Variants in ACSL3 observed in about 807,000 individuals in gnomAD.
ACSL3 encodes fatty acid CoA ligase Acsl3.
ACSL3 carries 34 observed loss-of-function variants against 84.7 expected under a neutral mutation model. The ratio of observed to expected loss-of-function variants is 0.40; its 90% CI spans 0.31 to 0.53. ACSL3 has a LOEUF of 0.53. ACSL3 is among the 20% of genes least tolerant of loss of function. ACSL3 has a pLI of 0.48. For synonymous variants in ACSL3, 315 were observed against 299.4 expected (o/e 1.05, Z -0.54); for missense variants, 680 against 873.1 (o/e 0.78, Z 2.79).
chr2:222,925,188 T>C (rs974727377), intron 11 of ACSL3, among the ~76,000 whole-genome samples: 1 of 151,734 alleles, frequency 6.6e-6, no homozygotes, highest in Non-Finnish European at 1.5e-5. Flanking sequence ...ATTACAAAAA[T>C]TAGCCAGAGT....
At chr2:222,889,748 A>T (rs968752074) in intron 2 of ACSL3, among the ~76,000 whole-genome samples, 1 of 152,188 alleles carries the variant, frequency 6.6e-6, no homozygotes, top group African/African-American at 2.4e-5. Context: ...TGTTTCTCAT[A>T]GCTACTTAAG....
intron 15 of ACSL3, 67 bp downstream of exon 15, chr2:222,933,347 T>A (rs1278813613): frequency 9.0e-7 from 1 of 1,108,998 alleles, no homozygotes; most frequent in East Asian, 2.5e-5. Flanking sequence ...TTCCTACCTG[T>A]ATGGACCTTC....
rs543758408 is a variant in ACSL3 at position 222,929,639 on chromosome 2, G to A, written c.1540+703G>A. Among the ~76,000 whole-genome samples the A allele has an allele frequency of 6.1e-4, 93 of 152,032 alleles. 1 individual carries two copies. Among genetic ancestry groups the A allele is most frequent in the Non-Finnish European group, 1.0e-3 (70 of 67,978 alleles). On this transcript the variant is annotated intron_variant, in intron 13 of 16. Coordinates refer to ENST00000357430, the MANE Select transcript of ACSL3 (RefSeq NM_004457.5). ...CTAAAAATACAAAAATTAGCCAGGC[G>A]TGGTGGTGCGTGCCTGTAATTCCAG...
Position 222,916,305 on chromosome 2 carries a change from T to C in ACSL3, c.379-14T>C. ...TTTTGATTACATTAAAAAAATTTTT[T>C]TTTGTTTTATCAGGTTATTCTTGGA... On this transcript the variant is annotated splice_polypyrimidine_tract_variant and intron_variant, in intron 4 of 16. Transcript: ENST00000357430. 6.7e-7 allele frequency: 1 copy of C among 1,484,346 alleles called. No homozygotes were observed. Among genetic ancestry groups the C allele is most frequent in the Non-Finnish European group, 9.0e-7 (1 of 1,110,998 alleles). The allele number at this position is 1,484,346 out of a possible 1,614,324, so 91.9% of individuals were successfully genotyped here. A position where few individuals can be genotyped will look rare whatever the true frequency, so the allele number is the denominator to read the frequency against.
rs1320522359 is a variant in ACSL3 at position 222,887,888 on chromosome 2, G to GTAAATA, written c.-148_-148+1insTAAATA. On this transcript the variant is annotated splice_region_variant and 5_prime_UTR_variant. Coordinates refer to ENST00000357430, the MANE Select transcript of ACSL3 (RefSeq NM_004457.5). ...CTAGTACCTCCTACCATTGTCAACT[G>GTAAATA]GTAAAATATTTAATTTTTTATTACA... 1 of 151,772 alleles carries GTAAATA rather than the reference G, an allele frequency of 6.6e-6. No homozygotes were observed. The highest frequency in any genetic ancestry group is 1.5e-5 in the Non-Finnish European group (1 of 67,938). The allele number at this position is 151,772 out of a possible 1,614,324, so 9.4% of individuals were successfully genotyped here.
At chr2:222,868,237 G>A (rs1189077294) in intron 1 of ACSL3, among the ~76,000 whole-genome samples, 1 of 152,042 alleles carries the variant, frequency 6.6e-6, no homozygotes, top group Non-Finnish European at 1.5e-5. Flanking sequence ...AGGAACATGA[G>A]CTCAGAGTTA....
intron 3 of ACSL3, among the ~76,000 whole-genome samples, chr2:222,905,335 C>G (rs1482426899): frequency 6.6e-6 from 1 of 152,028 alleles, no homozygotes; most frequent in Non-Finnish European, 1.5e-5. Context: ...TAATTTTTCT[C>G]TTTTTTGTAG....
chr2:222,919,352 CATCTT>C (rs2106127218), intron 7 of ACSL3, 150 bp downstream of exon 7: 2 of 595,828 alleles, frequency 3.4e-6, no homozygotes, highest in East Asian at 3.3e-5. Flanking sequence ...GGTATACTTT[CATCTT>C]GTCTTTAAAG....
intron 1 of ACSL3, among the ~76,000 whole-genome samples, chr2:222,879,497 G>A (rs1183733216): frequency 6.6e-6 from 1 of 152,174 alleles, no homozygotes; most frequent in East Asian, 1.9e-4. Context: ...AGGCAGGAGT[G>A]AAGGAGGAAT....
intron 16 of ACSL3, among the ~76,000 whole-genome samples, chr2:222,937,494 G>A (rs577479506): frequency 1.5e-4 from 23 of 151,974 alleles, no homozygotes; most frequent in South Asian, 8.3e-4. Context: ...CTCAAGTTAC[G>A]CGTATATTTG....
In ACSL3 at chr2:222,919,137, T is replaced by C. The variant is rs1696662618; in HGVS notation, c.740T>C (p.Phe247Ser). 6.2e-7 allele frequency: 1 copy of C among 1,614,148 alleles called. No homozygotes were observed. The highest frequency in any genetic ancestry group is 1.3e-5 in the African/African-American group (1 of 75,052). ...GGAAAGCCACCGACCTGGTCCGAGT[T>C]CCCCAAGGGCATCATTGTGCATACC... is the stretch of plus-strand genomic sequence containing the variant. ...VDGKPPTWSE[F>S]PKGIIVHTMA... The change falls in exon 7 of 17, where the codon TTC (phenylalanine) becomes TCC (serine). Residue 247 changes from phenylalanine (F) to serine (S), a missense_variant. Around this residue, in one of 2 missense-constraint regions of ACSL3, gnomAD observed 333 missense variants for 347.5 expected, o/e 0.96. Transcript: ENST00000357430.
At chr2:222,864,380 G>A (rs960209939) in intron 1 of ACSL3, among the ~76,000 whole-genome samples, 4 of 151,844 alleles carry the variant, frequency 2.6e-5, no homozygotes, top group African/African-American at 9.7e-5. Flanking sequence ...TTGCCTGTGG[G>A]GAGGCTATAG....
intron 1 of ACSL3, among the ~76,000 whole-genome samples, chr2:222,863,631 AG>A (rs1045346907): frequency 3.1e-4 from 47 of 152,252 alleles, no homozygotes; most frequent in Admixed American, 2.7e-3. Context: ...AGCTAGGCCA[AG>A]GGTGATAGGC....
intron 1 of ACSL3, among the ~76,000 whole-genome samples, chr2:222,864,942 A>G (rs1401551594): frequency 4.6e-5 from 7 of 152,254 alleles, no homozygotes; most frequent in Admixed American, 6.5e-5. Flanking sequence ...GCCCAATTTT[A>G]GTTGACTCAT....
At chr2:222,861,990 G>C (rs756570137) in intron 1 of ACSL3, among the ~76,000 whole-genome samples, 1 of 152,130 alleles carries the variant, frequency 6.6e-6, no homozygotes, top group Non-Finnish European at 1.5e-5. Flanking sequence ...AATGGTTTTC[G>C]CAGGAAGTCT....
At chr2:222,876,243 C>T (rs1695444387) in intron 1 of ACSL3, among the ~76,000 whole-genome samples, 2 of 152,158 alleles carry the variant, frequency 1.3e-5, no homozygotes, top group East Asian at 3.8e-4. Flanking sequence ...ATTCCCTACC[C>T]TCATGTGGGA....
At chr2:222,879,887 A>G (rs1695547022) in intron 1 of ACSL3, among the ~76,000 whole-genome samples, 1 of 151,968 alleles carries the variant, frequency 6.6e-6, no homozygotes, top group Admixed American at 6.5e-5. Context: ...ATAAAGACCA[A>G]TAATAAACCT....
At position 222,942,672 on chromosome 2, in the gene ACSL3, C is replaced by T. The variant is rs1397638648; in HGVS notation, c.*1018C>T. ...AAATTAGTGTTTTTCCTAGTTTGCA[C>T]TGATGCGTGTATGGATGTGTGTGAG... is the stretch of plus-strand genomic sequence containing the variant. On this transcript the variant is annotated 3_prime_UTR_variant, in exon 17 of 17. Transcript: ENST00000357430. 5.3e-5 allele frequency: 11 copies of T among 208,476 alleles called. No individual in the cohort carries two copies. Among genetic ancestry groups the T allele is most frequent in the Non-Finnish European group, 1.1e-4 (11 of 102,686 alleles). 12.9% of individuals were successfully genotyped at this position (208,476 alleles called of 1,614,324 possible). A position where few individuals can be genotyped will look rare whatever the true frequency, so the allele number is the denominator to read the frequency against.
At chr2:222,867,201 A>G (rs145196815) in intron 1 of ACSL3, among the ~76,000 whole-genome samples, 132 of 152,250 alleles carry the variant, frequency 8.7e-4, no homozygotes, top group African/African-American at 3.1e-3. Context: ...ACTTCGCAGG[A>G]ATTGTTATTG....
Sources: allele counts gnomAD v4.1 joint callset (sites outside exome capture counted in the v4.1 genomes callset), GRCh38; gene constraint gnomAD v4.1.1; regional missense constraint gnomAD v4.1.1; transcripts MANE v1.5; gene names NCBI Gene and HGNC (gene_info 2026-07-23, HGNC 2026-07-21).